The following CHST9 variants were observed in gnomAD, a reference collection of about 807,000 sequenced individuals.
The protein encoded by CHST9 is GalNAc-4-sulfotransferase 2.
A neutral mutation model predicts 44.4 loss-of-function variants in CHST9; 41 were observed. That is an observed-to-expected ratio of 0.92 (90% CI 0.72 to 1.20). The LOEUF (loss-of-function observed/expected upper bound fraction) is 1.20. Among genes scored for constraint, CHST9 ranks in the 50% most tolerant of loss-of-function variants. CHST9 has a pLI of 0.00. For missense variants in CHST9, 504 were observed against 516.5 expected (o/e 0.98, Z 0.23); for synonymous variants, 171 against 178.4 (o/e 0.96, Z 0.33).
In CHST9 at chr18:26,912,374, T is replaced by TACACACACACACACAC. The variant is rs56288802; in HGVS notation, c.*3869_*3884dup. 1.7e-5 allele frequency: 2 copies of TACACACACACACACAC among 117,136 alleles called. No homozygotes were observed. The highest frequency in any genetic ancestry group is 6.3e-5 in the African/African-American group (2 of 31,618). 7.3% of individuals were successfully genotyped at this position (117,136 alleles called of 1,614,324 possible). On this transcript the variant is annotated 3_prime_UTR_variant, in exon 6 of 6. Transcript: ENST00000618847. ...GAAATGTGATAACTAACTAGCTAAATACACACACACACACACACACACACA... is the reference window on the plus strand; with the variant it reads ...GAAATGTGATAACTAACTAGCTAAATACACACACACACACACACACACACACACACACACACACACA...
intron 2 of CHST9, among the ~76,000 whole-genome samples, chr18:27,083,536 A>G (rs530997252): frequency 4.7e-4 from 72 of 152,296 alleles, no homozygotes; most frequent in African/African-American, 1.7e-3. Context: ...AATTTGCTAA[A>G]TGACTAATTT....
chr18:27,040,362 T>C (rs1382471130), intron 3 of CHST9, among the ~76,000 whole-genome samples: 1 of 152,080 alleles, frequency 6.6e-6, no homozygotes, highest in Non-Finnish European at 1.5e-5. Context: ...CTAGCTACAC[T>C]CAATAATGTA....
chr18:26,913,792 G>A lies in CHST9; in HGVS notation c.*2467C>T, dbSNP rs2055473906. 1 of 152,220 alleles carries A rather than the reference G, an allele frequency of 6.6e-6. No individual in the cohort carries two copies. The highest frequency in any genetic ancestry group is 6.5e-5 in the Admixed American group (1 of 15,278). The allele number at this position is 152,220 out of a possible 1,614,324, so 9.4% of individuals were successfully genotyped here. On this transcript the variant is annotated 3_prime_UTR_variant, in exon 6 of 6. Coordinates refer to ENST00000618847, the MANE Select transcript of CHST9 (RefSeq NM_031422.6). Reference sequence around the variant, plus strand: ...AGGCAGAAATGACAAAGGTGAATGTGAGCTGGTCTGCAAGGCCAAATAAGT... The same window carrying A: ...AGGCAGAAATGACAAAGGTGAATGTAAGCTGGTCTGCAAGGCCAAATAAGT...
intron 4 of CHST9, among the ~76,000 whole-genome samples, chr18:26,984,491 C>G (rs944744382): frequency 2.0e-5 from 3 of 151,808 alleles, no homozygotes; most frequent in Non-Finnish European, 4.4e-5. Flanking sequence ...AAAGAACTAG[C>G]AATAAGGGGA....
chr18:27,180,161 C>T (rs1248910636), intron 1 of CHST9, among the ~76,000 whole-genome samples: 1 of 152,086 alleles, frequency 6.6e-6, no homozygotes, highest in Non-Finnish European at 1.5e-5. Context: ...TTTAAGTCTA[C>T]CCTCATTCTT....
rs2058220772 is a variant in CHST9, at chr18:27,106,302, C to A, written c.121+36387G>T. 3.9e-5 allele frequency among the ~76,000 whole-genome samples: 6 copies of A among 152,186 alleles called. No individual in the cohort carries two copies. In the South Asian group the frequency reaches 1.2e-3, roughly 32 times the overall value. ...AATTCTAAGAGTAAAATTAGTTGAG[C>A]CTCAACTTTGAACAACATTATTGAC... On this transcript the variant is annotated intron_variant, in intron 2 of 5. Coordinates refer to ENST00000618847, the MANE Select transcript of CHST9 (RefSeq NM_031422.6).
At chr18:26,990,723 T>C (rs2056806761) in intron 4 of CHST9, among the ~76,000 whole-genome samples, 1 of 152,236 alleles carries the variant, frequency 6.6e-6, no homozygotes, top group Non-Finnish European at 1.5e-5. Flanking sequence ...AGAATCTGTC[T>C]CCTGTCTTGC....
At chr18:26,976,325 T>C (rs1329137304) in intron 4 of CHST9, among the ~76,000 whole-genome samples, 1 of 152,046 alleles carries the variant, frequency 6.6e-6, no homozygotes, top group East Asian at 1.9e-4. Context: ...AAGCTGGATA[T>C]TGTTTCACTG....
chr18:27,097,908 T>C (rs542728367), intron 2 of CHST9, among the ~76,000 whole-genome samples: 21 of 152,274 alleles, frequency 1.4e-4, no homozygotes, highest in African/African-American at 4.8e-4. Flanking sequence ...TGTGGTATTA[T>C]TTCTGAGGTC....
chr18:26,996,382 G>T (rs1362180845), intron 4 of CHST9, among the ~76,000 whole-genome samples: 1 of 152,128 alleles, frequency 6.6e-6, no homozygotes, highest in Non-Finnish European at 1.5e-5. Flanking sequence ...GGAGGTGTTT[G>T]GGTCATGGGA....
At chr18:27,100,751 T>A (rs2058163377) in intron 2 of CHST9, among the ~76,000 whole-genome samples, 1 of 152,198 alleles carries the variant, frequency 6.6e-6, no homozygotes, top group African/African-American at 2.4e-5. Flanking sequence ...AACAAATAAA[T>A]CATAATATGA....
At chr18:27,129,675 G>A (rs1219964720) in intron 2 of CHST9, among the ~76,000 whole-genome samples, 1 of 152,146 alleles carries the variant, frequency 6.6e-6, no homozygotes, top group African/African-American at 2.4e-5. Context: ...TTACAGATGT[G>A]AGCCACTGCA....
intron 3 of CHST9, among the ~76,000 whole-genome samples, chr18:27,027,811 G>T (rs996069011): frequency 4.6e-5 from 7 of 152,046 alleles, no homozygotes; most frequent in African/African-American, 1.7e-4. Flanking sequence ...ATTGAAAAAG[G>T]CACAAAGCAG....
intron 2 of CHST9, among the ~76,000 whole-genome samples, chr18:27,091,615 G>A (rs2058069807): frequency 1.3e-5 from 2 of 152,116 alleles, no homozygotes; most frequent in Non-Finnish European, 2.9e-5. Flanking sequence ...TTTGAGATAT[G>A]TTCCATCAAT....
chr18:27,165,266 G>C (rs567077765), intron 1 of CHST9, among the ~76,000 whole-genome samples: 8 of 152,278 alleles, frequency 5.3e-5, no homozygotes, highest in African/African-American at 1.9e-4. Flanking sequence ...AAATGAAAGA[G>C]TAAGATGCTA....
chr18:27,013,512 T>A (rs781557410), intron 4 of CHST9, among the ~76,000 whole-genome samples: 2 of 152,186 alleles, frequency 1.3e-5, no homozygotes, highest in Non-Finnish European at 2.9e-5. Flanking sequence ...GAAATTCAAA[T>A]ACACTTATGA....
Position 26,916,410 on chromosome 18 carries a change from T to C in CHST9, c.1181A>G (p.Asn394Ser), listed in dbSNP as rs200160632. Residue 394 changes from asparagine to serine, a missense_variant, in exon 6 of 6, where the codon AAC becomes AGC. Transcript: ENST00000618847. ...ATCGGAAGAGTGCCTATCCTTAAAGTTGGGAAATTTCAGCTCCTTTGGAGC... is the reference window on the plus strand; with the variant it reads ...ATCGGAAGAGTGCCTATCCTTAAAGCTGGGAAATTTCAGCTCCTTTGGAGC... ...IGAPKELKFP[N>S]FKDRHSSDER... 18 of 1,613,792 alleles carry C rather than the reference T, an allele frequency of 1.1e-5. No homozygotes were observed. The highest frequency in any genetic ancestry group is 1.7e-4 in the Middle Eastern group (1 of 6,060).
chr18:27,035,361 TA>T (rs1275290234), intron 3 of CHST9, among the ~76,000 whole-genome samples: 2 of 152,184 alleles, frequency 1.3e-5, no homozygotes, highest in Non-Finnish European at 2.9e-5. Flanking sequence ...TTTTTGTTGT[TA>T]TTTTTTGCTA....
intron 1 of CHST9, among the ~76,000 whole-genome samples, chr18:27,183,602 T>C (rs909069921): frequency 6.6e-6 from 1 of 152,210 alleles, no homozygotes; most frequent in East Asian, 1.9e-4. Context: ...CTATTTCTTA[T>C]TGACGATATG....
Sources: gnomAD v4.1 joint callset for allele counts (sites outside exome capture counted in the v4.1 genomes callset) on GRCh38, gnomAD v4.1.1 for gene constraint, MANE v1.5 for transcripts, NCBI Gene and HGNC (gene_info 2026-07-23, HGNC 2026-07-21) for gene names.